Variants in TTC7B observed in about 807,000 individuals in gnomAD.
The protein encoded by TTC7B is tetratricopeptide repeat protein 7B.
A neutral mutation model predicts 106.8 loss-of-function variants in TTC7B; 28 were observed. That is an observed-to-expected ratio of 0.26 (90% CI 0.19 to 0.36). TTC7B has a LOEUF of 0.36. TTC7B is among the 10% of genes least tolerant of loss of function. TTC7B has a pLI of 1.00. For synonymous variants in TTC7B, 405 were observed against 430.6 expected, an observed-to-expected ratio of 0.94 and a Z score of 0.74; for missense variants, 862 against 1,076.4, an observed-to-expected ratio of 0.80 and a Z score of 2.79.
At chr14:90,599,836 C>G (rs1326810681) in intron 17 of TTC7B, among the ~76,000 whole-genome samples, 1 of 152,102 alleles carries the variant, frequency 6.6e-6, no homozygotes, top group African/African-American at 2.4e-5. Context: ...GAAAAAGCAG[C>G]AGTTCCATCT....
chr14:90,747,960 TCTTTACTTTTAATCATCC>T (rs1295970780), intron 3 of TTC7B, among the ~76,000 whole-genome samples: 1 of 152,198 alleles, frequency 6.6e-6, no homozygotes, highest in African/African-American at 2.4e-5. Flanking sequence ...TTACTTTTAA[TCTTTACTTTTAATCATCC>T]CTTTACTTTT....
At position 90,570,635 on chromosome 14, in the gene TTC7B, A is replaced by G. The variant is rs1231778103; in HGVS notation, c.2310+7471T>C. Among the ~76,000 whole-genome samples, 1 of 152,116 alleles carries G rather than the reference A, an allele frequency of 6.6e-6. No individual in the cohort carries two copies. The highest frequency in any genetic ancestry group is 6.5e-5 in the Admixed American group (1 of 15,272). On this transcript the variant is annotated intron_variant, in intron 19 of 19. Coordinates refer to ENST00000328459, the MANE Select transcript of TTC7B (RefSeq NM_001010854.2). This position sits in a 1 kb window ranked among gnomAD's most constrained non-coding sequence, Gnocchi z 4.0. ...TCGGCTCCTCCAACCAGTGAAAGTCAGTCACGCTGGTGCAGAAAGGGAAGC... is the reference window on the plus strand; with the variant it reads ...TCGGCTCCTCCAACCAGTGAAAGTCGGTCACGCTGGTGCAGAAAGGGAAGC...
At chr14:90,619,765 G>C (rs1477145688) in intron 15 of TTC7B, among the ~76,000 whole-genome samples, 1 of 152,132 alleles carries the variant, frequency 6.6e-6, no homozygotes, top group Non-Finnish European at 1.5e-5. Flanking sequence ...TCTTCCTGAG[G>C]ACAAGAGCCC....
Position 90,757,510 on chromosome 14 carries a change from C to G in TTC7B, c.446-12588G>C, listed in dbSNP as rs563040259. 5.9e-5 allele frequency among the ~76,000 whole-genome samples: 9 copies of G among 152,256 alleles called. No homozygotes were observed. Among genetic ancestry groups the G allele is most frequent in the Admixed American group, 2.0e-4 (3 of 15,302 alleles). On this transcript the variant is annotated intron_variant, in intron 3 of 19. Transcript: ENST00000328459. The surrounding 1 kb of genome is among the most constrained non-coding windows in gnomAD (Gnocchi z 4.1). ...AAAAAGATCGAGCTCTATCTTCTCT[C>G]CTGTCCTCTCTTTGCAAATGAGGAG...
Position 90,532,814 on chromosome 14 carries a change from G to GGGCT in TTC7B, c.*8550_*8553dup, listed in dbSNP as rs1322796095. 6.6e-6 allele frequency: 1 copy of GGGCT among 152,350 alleles called. No individual in the cohort carries two copies. Among genetic ancestry groups the GGGCT allele is most frequent in the Non-Finnish European group, 1.5e-5 (1 of 68,202 alleles). 9.4% of individuals were successfully genotyped at this position (152,350 alleles called of 1,614,324 possible). On this transcript the variant is annotated 3_prime_UTR_variant, in exon 20 of 20. Coordinates refer to ENST00000328459, the MANE Select transcript of TTC7B (RefSeq NM_001010854.2). ...ACCTGGGTGGGTGGAGGTTCAGGCT[G>GGGCT]GGCTGGGTGCTCAGGAAGCCTCCAT...
intron 19 of TTC7B, among the ~76,000 whole-genome samples, chr14:90,561,130 G>A (rs986769122): frequency 3.3e-5 from 5 of 152,338 alleles, no homozygotes; most frequent in African/African-American, 1.2e-4. Context: ...TAGAGAATGA[G>A]AGAGAACCTG....
chr14:90,668,600 A>G (rs957450308), intron 9 of TTC7B, among the ~76,000 whole-genome samples: 52 of 152,206 alleles, frequency 3.4e-4, no homozygotes, highest in Non-Finnish European at 3.8e-4. Flanking sequence ...TTATCTCTTT[A>G]ATCATCACAA....
At chr14:90,583,479 A>T (rs963357400) in intron 18 of TTC7B, among the ~76,000 whole-genome samples, 6 of 152,206 alleles carry the variant, frequency 3.9e-5, no homozygotes, top group Non-Finnish European at 7.3e-5. Context: ...AATTCAATTT[A>T]AAAAAATAAA....
chr14:90,769,867 C>T (rs1595361769), intron 3 of TTC7B, among the ~76,000 whole-genome samples: 3 of 152,058 alleles, frequency 2.0e-5, no homozygotes, highest in East Asian at 1.9e-4. Context: ...TTAAAAAAGG[C>T]GTTGAGTGTG....
chr14:90,617,964 C>A lies in TTC7B; in HGVS notation c.1833G>T (p.Gln611His). 3 of 1,614,036 alleles carry A rather than the reference C, an allele frequency of 1.9e-6. No homozygotes were observed. Among genetic ancestry groups the A allele is most frequent in the Non-Finnish European group, 2.5e-6 (3 of 1,179,914 alleles). The change falls in exon 16 of 20, where the codon CAG (glutamine) becomes CAT (histidine). Residue 611 changes from glutamine to histidine, a missense_variant. By Grantham distance (24) the Gln-to-His change is conservative (BLOSUM62 0). Coordinates refer to ENST00000328459, the MANE Select transcript of TTC7B (RefSeq NM_001010854.2). The stretch of plus-strand genomic sequence containing the variant: ...TGAGGTTGTAGCAGGATTTCCATAT[C>A]TGCAGCATGTGCTTACAAGTCAGCA... ...EALLTCKHML[Q>H]IWKSCYNLTN...
At chr14:90,667,596 T>C (rs1345911244) in intron 9 of TTC7B, among the ~76,000 whole-genome samples, 4 of 152,232 alleles carry the variant, frequency 2.6e-5, no homozygotes, top group Non-Finnish European at 5.9e-5. Context: ...TGAGTTTCAT[T>C]GATTAAAATT....
chr14:90,542,798 G>A (rs917640181), intron 19 of TTC7B, among the ~76,000 whole-genome samples: 4 of 152,204 alleles, frequency 2.6e-5, no homozygotes, highest in Non-Finnish European at 4.4e-5. Context: ...GGCCCTGGGG[G>A]AGGATCAGTG....
chr14:90,745,398 A>G (rs1188963892), intron 3 of TTC7B, among the ~76,000 whole-genome samples: 2 of 152,054 alleles, frequency 1.3e-5, no homozygotes, highest in South Asian at 2.1e-4. Flanking sequence ...GTCAGAAAGC[A>G]TTAAGTTTGA....
At chr14:90,698,336 C>T (rs1290786291) in intron 5 of TTC7B, 4 of 152,170 alleles carry the variant, frequency 2.6e-5, no homozygotes, top group East Asian at 1.9e-4. Flanking sequence ...AAAACCCACA[C>T]GATTGCTTTC....
At chr14:90,642,894 T>C (rs1885244203) in intron 15 of TTC7B, among the ~76,000 whole-genome samples, 2 of 151,648 alleles carry the variant, frequency 1.3e-5, no homozygotes, top group Admixed American at 6.6e-5. Flanking sequence ...CACCGAGAGC[T>C]AGTGGAAGCC....
At chr14:90,716,940 G>A (rs375667586) in intron 5 of TTC7B, among the ~76,000 whole-genome samples, 18 of 152,194 alleles carry the variant, frequency 1.2e-4, no homozygotes, top group Non-Finnish European at 1.6e-4. Flanking sequence ...AAGATACAGC[G>A]TGTCCACACC....
At position 90,742,295 on chromosome 14, in the gene TTC7B, TCCTC is replaced by T. The variant is rs1889800301; in HGVS notation, c.576+2493_576+2496del. 6.6e-6 allele frequency among the ~76,000 whole-genome samples: 1 copy of T among 151,518 alleles called. No homozygotes were observed. The highest frequency in any genetic ancestry group is 2.4e-5 in the African/African-American group (1 of 41,254). On this transcript the variant is annotated intron_variant, in intron 4 of 19. Coordinates refer to ENST00000328459, the MANE Select transcript of TTC7B (RefSeq NM_001010854.2). The surrounding 1 kb of genome is among the most constrained non-coding windows in gnomAD (Gnocchi z 4.1). ...TTTCTCTCTCTCTCCTTCCCTCCCT[TCCTC>T]CCTCCCTCCTTTCTCTTTCTCTTTC...
At chr14:90,606,370 G>A (rs1001662198) in intron 17 of TTC7B, among the ~76,000 whole-genome samples, 4 of 152,104 alleles carry the variant, frequency 2.6e-5, no homozygotes, top group African/African-American at 7.2e-5. Flanking sequence ...GACCACCGCC[G>A]CTGCAATTAG....
In TTC7B at chr14:90,744,931, A is replaced by T. The variant is rs764463175; in HGVS notation, c.446-9T>A. On this transcript the variant is annotated splice_polypyrimidine_tract_variant and intron_variant, in intron 3 of 19. Transcript: ENST00000328459. Reference sequence around the variant, plus strand: ...CTTCTCCAAACAAAGTCCTTAAAAAAATATCAGACACAAAAACTGAGTGAA... The same window carrying T: ...CTTCTCCAAACAAAGTCCTTAAAAATATATCAGACACAAAAACTGAGTGAA... 22 of 1,612,024 alleles carry T rather than the reference A, an allele frequency of 1.4e-5. No homozygotes were observed. The highest frequency in any genetic ancestry group is 4.0e-5 in the African/African-American group (3 of 74,806).
Sources: gnomAD v4.1 joint callset for allele counts (sites outside exome capture counted in the v4.1 genomes callset) on GRCh38, gnomAD v4.1.1 for gene constraint, Gnocchi (gnomAD v3.1) non-coding constraint, MANE v1.5 for transcripts, NCBI Gene and HGNC (gene_info 2026-07-23, HGNC 2026-07-21) for gene names.